DGKB: variants seen among roughly 807,000 people sequenced by gnomAD.
DGKB encodes the protein 90 kDa diacylglycerol kinase.
DGKB carries 67 observed loss-of-function variants against 114.3 expected under a neutral mutation model. The ratio of observed to expected loss-of-function variants is 0.59; its 90% CI spans 0.48 to 0.72. The LOEUF is 0.72. DGKB is among the 30% of genes least tolerant of loss of function. DGKB has a pLI of 0.00. For synonymous variants in DGKB, 398 were observed against 323.1 expected (o/e 1.23, Z -2.49); for missense variants, 907 against 975.2 (o/e 0.93, Z 0.93).
chr7:14,608,613 G>T (rs1358055495), intron 16 of DGKB, among the ~76,000 whole-genome samples: 1 of 151,840 alleles, frequency 6.6e-6, no homozygotes, highest in Admixed American at 6.6e-5. Context: ...AGAAATAAAA[G>T]GTATCCAAAC....
intron 21 of DGKB, among the ~76,000 whole-genome samples, chr7:14,451,541 A>G (rs933639124): frequency 3.0e-5 from 3 of 99,208 alleles, no homozygotes; most frequent in African/African-American, 1.3e-4. Flanking sequence ...AAATCTCTCT[A>G]TCTGTCTCTC....
intron 2 of DGKB, among the ~76,000 whole-genome samples, chr7:14,817,778 C>T (rs183504554): frequency 6.6e-6 from 1 of 152,192 alleles, no homozygotes; most frequent in African/African-American, 2.4e-5. Flanking sequence ...TGTCTATTTC[C>T]ATATCCCTGC....
At chr7:14,580,218 C>G (rs1799723320) in intron 19 of DGKB, among the ~76,000 whole-genome samples, 1 of 152,180 alleles carries the variant, frequency 6.6e-6, no homozygotes, top group African/African-American at 2.4e-5. Flanking sequence ...TCACACCCAG[C>G]TTTACATGGC....
At chr7:14,166,590 A>T (rs561131971) in intron 25 of DGKB, among the ~76,000 whole-genome samples, 1 of 152,170 alleles carries the variant, frequency 6.6e-6, no homozygotes, top group African/African-American at 2.4e-5. Flanking sequence ...AGGAATAAGC[A>T]CTCTTCACTC....
intron 21 of DGKB, among the ~76,000 whole-genome samples, chr7:14,372,262 G>A (rs990389671): frequency 1.3e-5 from 2 of 152,050 alleles, no homozygotes; most frequent in African/African-American, 2.4e-5. Flanking sequence ...CAACAACCCC[G>A]GGAACTGGGG....
At chr7:14,250,837 G>A (rs924482288) in intron 23 of DGKB, among the ~76,000 whole-genome samples, 3 of 152,158 alleles carry the variant, frequency 2.0e-5, no homozygotes, top group African/African-American at 7.2e-5. Context: ...TATGCATACA[G>A]TTTTTATATC....
chr7:14,489,281 A>G (rs541239146), intron 20 of DGKB, among the ~76,000 whole-genome samples: 23 of 152,308 alleles, frequency 1.5e-4, no homozygotes, highest in Admixed American at 4.6e-4. Context: ...TAATCATTTG[A>G]TTGAGATTTT....
At chr7:14,786,624 C>T (rs1839937081) in intron 2 of DGKB, among the ~76,000 whole-genome samples, 1 of 152,092 alleles carries the variant, frequency 6.6e-6, no homozygotes, top group South Asian at 2.1e-4. Flanking sequence ...AGTACCTGCT[C>T]TCACTGCCTG....
At chr7:14,654,122 A>G (rs1815258715) in intron 13 of DGKB, among the ~76,000 whole-genome samples, 1 of 152,114 alleles carries the variant, frequency 6.6e-6, no homozygotes, top group Non-Finnish European at 1.5e-5. Flanking sequence ...AGATAATCTT[A>G]CATATAGAAA....
upstream of DGKB, among the ~76,000 whole-genome samples, chr7:14,904,934 T>C (rs1783611287): frequency 6.6e-6 from 1 of 152,316 alleles, no homozygotes; most frequent in African/African-American, 2.4e-5. Context: ...ACAAATGGTA[T>C]GATTTTAAAC....
intron 20 of DGKB, among the ~76,000 whole-genome samples, chr7:14,564,723 T>A (rs1193187135): frequency 6.6e-6 from 1 of 152,156 alleles, no homozygotes; most frequent in Non-Finnish European, 1.5e-5. Flanking sequence ...TCTTAGCAGC[T>A]TTCTATTTAG....
At chr7:14,513,279 A>C (rs1409906729) in intron 20 of DGKB, among the ~76,000 whole-genome samples, 1 of 152,090 alleles carries the variant, frequency 6.6e-6, no homozygotes, top group Non-Finnish European at 1.5e-5. Context: ...AATTAAGAAT[A>C]AAGCTAAAAG....
At chr7:14,702,306 C>A (rs1377358872) in intron 6 of DGKB, among the ~76,000 whole-genome samples, 1 of 152,042 alleles carries the variant, frequency 6.6e-6, no homozygotes, top group Non-Finnish European at 1.5e-5. Context: ...GATTGATCCC[C>A]AAGCAGTATG....
At chr7:14,971,888 G>C (rs943832026) in intron 1 of DGKB, among the ~76,000 whole-genome samples, 2 of 151,384 alleles carry the variant, frequency 1.3e-5, no homozygotes, top group Admixed American at 1.3e-4. Flanking sequence ...TCAGCATCCT[G>C]TGTAGCTGTG....
intron 23 of DGKB, among the ~76,000 whole-genome samples, chr7:14,318,768 C>G (rs62443934): frequency 0.027 from 4,155 of 152,134 alleles, 122 homozygotes; most frequent in East Asian, 0.076. Flanking sequence ...ACCATTTGAC[C>G]CAGCCATCCC....
chr7:14,945,384 G>T (rs1785815927), intron 1 of DGKB, among the ~76,000 whole-genome samples: 1 of 151,790 alleles, frequency 6.6e-6, no homozygotes, highest in African/African-American at 2.4e-5. Flanking sequence ...GTTCGTGAAT[G>T]TGGTTCTGGT....
At chr7:14,265,315 A>ATTATTTTTTTTTTTTT (rs1178230744) in intron 23 of DGKB, among the ~76,000 whole-genome samples, 1 of 40,512 alleles carries the variant, frequency 2.5e-5, no homozygotes. Context: ...TTTCTCTTGC[A>ATTATTTTTTTTTTTTT]TTCTTTTTTT....
At chr7:14,744,129 G>A (rs1832934443) in intron 4 of DGKB, among the ~76,000 whole-genome samples, 1 of 152,182 alleles carries the variant, frequency 6.6e-6, no homozygotes, top group African/African-American at 2.4e-5. Context: ...GCTATTTACA[G>A]TCTTTAATAA....
chr7:14,953,224 T>A (rs557923919), intron 1 of DGKB, among the ~76,000 whole-genome samples: 1 of 152,210 alleles, frequency 6.6e-6, no homozygotes, highest in Admixed American at 6.6e-5. Flanking sequence ...TTCAAAATTT[T>A]AAAGTTCTGT....
Sources: allele counts gnomAD v4.1 joint callset (sites outside exome capture counted in the v4.1 genomes callset), GRCh38; gene constraint gnomAD v4.1.1; transcripts MANE v1.5; gene names NCBI Gene and HGNC (gene_info 2026-07-23, HGNC 2026-07-21).